Variants in NRXN1 observed in about 807,000 individuals in gnomAD.
NRXN1 encodes the protein neurexin-1.
NRXN1 carries 39 observed loss-of-function variants against 150.9 expected under a neutral mutation model. That is an observed-to-expected ratio of 0.26 (90% CI 0.20 to 0.34). The LOEUF (loss-of-function observed/expected upper bound fraction) is 0.34, where lower values mean the gene tolerates loss of function less well. Ranked by LOEUF, NRXN1 falls within the 10% of genes least tolerant of loss-of-function variation. NRXN1 has a pLI of 1.00. For missense variants in NRXN1, 1,815 were observed against 1,949.9 expected (o/e 0.93, Z 1.30); for synonymous variants, 924 against 757.0 (o/e 1.22, Z -3.62).
chr2:50,015,256 C>CT (rs1686381241), intron 21 of NRXN1, among the ~76,000 whole-genome samples: 2 of 151,978 alleles, frequency 1.3e-5, no homozygotes, highest in South Asian at 4.1e-4. Flanking sequence ...TTGCTGCACA[C>CT]TTTATGATTA....
chr2:50,354,554 C>CATAT (rs71404946), intron 17 of NRXN1, among the ~76,000 whole-genome samples: 5,261 of 99,794 alleles, frequency 0.053, 186 homozygotes, highest in Middle Eastern at 0.067. Context: ...AGAGTGCATA[C>CATAT]ATATATATAT....
intron 5 of NRXN1, among the ~76,000 whole-genome samples, chr2:50,782,986 C>T (rs565163335): frequency 3.3e-5 from 5 of 152,252 alleles, no homozygotes; most frequent in South Asian, 2.1e-4. Flanking sequence ...CTGAGACTTG[C>T]GCTCTGATAA....
chr2:50,105,011 C>A (rs1701446730), intron 18 of NRXN1, among the ~76,000 whole-genome samples: 1 of 152,030 alleles, frequency 6.6e-6, no homozygotes, highest in South Asian at 2.1e-4. Flanking sequence ...AGGTACTTTT[C>A]TGAAGTCACG....
At chr2:50,710,168 A>G (rs894590169) in intron 5 of NRXN1, among the ~76,000 whole-genome samples, 1 of 152,214 alleles carries the variant, frequency 6.6e-6, no homozygotes, top group Non-Finnish European at 1.5e-5. Context: ...GCAGACTTGT[A>G]TTACCACTGA....
At chr2:50,875,723 T>C (rs1559380625) in intron 5 of NRXN1, among the ~76,000 whole-genome samples, 2 of 151,792 alleles carry the variant, frequency 1.3e-5, no homozygotes, top group East Asian at 2.0e-4. Context: ...TATCCAGGCA[T>C]AAAAGCCCCA....
At chr2:50,463,044 G>C (rs927400497) in intron 17 of NRXN1, among the ~76,000 whole-genome samples, 1 of 148,130 alleles carries the variant, frequency 6.8e-6, no homozygotes, top group East Asian at 1.9e-4. Flanking sequence ...AAATAAACTA[G>C]AGATGAAAAT....
At chr2:50,483,096 G>A (rs997589374) in intron 15 of NRXN1, among the ~76,000 whole-genome samples, 1 of 133,072 alleles carries the variant, frequency 7.5e-6, no homozygotes, top group African/African-American at 2.8e-5. Context: ...CCAAAACCAA[G>A]ATGGCAATGA....
At chr2:50,651,128 A>G (rs1685551056) in intron 5 of NRXN1, among the ~76,000 whole-genome samples, 1 of 152,064 alleles carries the variant, frequency 6.6e-6, no homozygotes, top group Non-Finnish European at 1.5e-5. Flanking sequence ...GGTCCTTGAA[A>G]TTAAGTTCTG....
intron 17 of NRXN1, among the ~76,000 whole-genome samples, chr2:50,295,713 C>T (rs751225133): frequency 2.4e-4 from 37 of 152,068 alleles, no homozygotes; most frequent in Non-Finnish European, 2.4e-4. Context: ...GGCAATCTGA[C>T]AAAAATAACT....
intron 2 of NRXN1, among the ~76,000 whole-genome samples, chr2:50,971,388 G>T (rs372747132): frequency 4.4e-4 from 67 of 152,114 alleles, no homozygotes; most frequent in African/African-American, 1.4e-3. Flanking sequence ...TTTGAGACCA[G>T]CCTGGCCAAC....
intron 8 of NRXN1, among the ~76,000 whole-genome samples, chr2:50,568,808 A>T (rs1670237151): frequency 6.6e-6 from 1 of 152,214 alleles, no homozygotes; most frequent in Non-Finnish European, 1.5e-5. Context: ...CCTCAAAGAA[A>T]GGAAATCAAT....
chr2:50,534,325 A>G (rs2093197361), intron 10 of NRXN1, among the ~76,000 whole-genome samples: 1 of 152,196 alleles, frequency 6.6e-6, no homozygotes, highest in African/African-American at 2.4e-5. Flanking sequence ...TCTATTTATC[A>G]AAACAGGGGC....
intron 5 of NRXN1, among the ~76,000 whole-genome samples, chr2:50,776,460 A>G (rs1703647960): frequency 6.6e-6 from 1 of 152,032 alleles, no homozygotes; most frequent in African/African-American, 2.4e-5. Flanking sequence ...ATAATTTTTA[A>G]ATGTTGCAAT....
intron 5 of NRXN1, among the ~76,000 whole-genome samples, chr2:50,840,094 C>T (rs951795941): frequency 2.0e-5 from 3 of 152,092 alleles, no homozygotes; most frequent in African/African-American, 7.2e-5. Context: ...TTAATAACTC[C>T]TCCTGTAATT....
At chr2:50,006,312 C>T (rs1684760389) in intron 21 of NRXN1, among the ~76,000 whole-genome samples, 1 of 152,096 alleles carries the variant, frequency 6.6e-6, no homozygotes, top group East Asian at 1.9e-4. Flanking sequence ...CTAGTCTCTC[C>T]CTTCTTAGGC....
chr2:50,842,398 A>T (rs1233611279), intron 5 of NRXN1, among the ~76,000 whole-genome samples: 1 of 152,206 alleles, frequency 6.6e-6, no homozygotes, highest in African/African-American at 2.4e-5. Flanking sequence ...GGACAACTGT[A>T]AGTAAATTAC....
intron 2 of NRXN1, among the ~76,000 whole-genome samples, chr2:50,956,912 G>C (rs1433972167): frequency 6.6e-6 from 1 of 152,036 alleles, no homozygotes; most frequent in Non-Finnish European, 1.5e-5. Context: ...GGGAAGATCA[G>C]GTCTTTTCCC....
intron 18 of NRXN1, among the ~76,000 whole-genome samples, chr2:50,179,675 C>A (rs1284213831): frequency 6.6e-6 from 1 of 152,086 alleles, no homozygotes; most frequent in Non-Finnish European, 1.5e-5. Context: ...TAATAGCAGT[C>A]CCAAAATTAT....
chr2:49,990,101 T>TAA (rs573643042), intron 21 of NRXN1, among the ~76,000 whole-genome samples: 5 of 144,572 alleles, frequency 3.5e-5, no homozygotes, highest in East Asian at 2.0e-4. Context: ...AGCAATAAAT[T>TAA]TAAAAAAAAA....
Sources: allele counts gnomAD v4.1 joint callset (sites outside exome capture counted in the v4.1 genomes callset), GRCh38; gene constraint gnomAD v4.1.1; transcripts MANE v1.5; gene names NCBI Gene and HGNC (gene_info 2026-07-23, HGNC 2026-07-21).